AGBL4: variants seen among roughly 807,000 people sequenced by gnomAD.
AGBL4 encodes the protein cytosolic carboxypeptidase 6.
AGBL4 carries 58 observed loss-of-function variants against 66.4 expected under a neutral mutation model. The observed-to-expected ratio is 0.87, with a 90% CI of 0.71 to 1.09. The LOEUF (loss-of-function observed/expected upper bound fraction) is 1.09. Ranked by LOEUF, AGBL4 falls within the 50% of genes least tolerant of loss-of-function variation. The probability of loss-of-function intolerance (pLI) is 0.00; values close to 1 mark genes in which losing one functional copy is unlikely to be tolerated. For missense variants in AGBL4, 579 were observed against 631.0 expected (o/e 0.92, Z 0.88); for synonymous variants, 234 against 222.9 (o/e 1.05, Z -0.44).
At chr1:49,791,495 A>G (rs906384359) in intron 2 of AGBL4, among the ~76,000 whole-genome samples, 1 of 151,972 alleles carries the variant, frequency 6.6e-6, no homozygotes, top group Non-Finnish European at 1.5e-5. Context: ...TATCTCTTCA[A>G]TGGTTTCCCA....
intron 6 of AGBL4, among the ~76,000 whole-genome samples, chr1:48,670,389 C>T (rs1364521683): frequency 6.6e-6 from 1 of 152,244 alleles, no homozygotes; most frequent in African/African-American, 2.4e-5. Context: ...TAGCAGCCTC[C>T]TCTCACTACA....
chr1:49,388,030 A>G (rs1273007044), intron 3 of AGBL4, among the ~76,000 whole-genome samples: 1 of 152,112 alleles, frequency 6.6e-6, no homozygotes, highest in Non-Finnish European at 1.5e-5. Context: ...ACTGAACAAA[A>G]TAATACACAA....
intron 5 of AGBL4, among the ~76,000 whole-genome samples, chr1:48,995,694 G>A (rs866635303): frequency 6.6e-6 from 1 of 152,200 alleles, no homozygotes; most frequent in Non-Finnish European, 1.5e-5. Flanking sequence ...AGTGCCAAGT[G>A]TTGGAGAGAG....
At chr1:48,653,680 G>A (rs112299796) in intron 7 of AGBL4, among the ~76,000 whole-genome samples, 30 of 152,300 alleles carry the variant, frequency 2.0e-4, no homozygotes, top group Admixed American at 7.8e-4. Context: ...AAGCCCATGG[G>A]CAGGAGGGAG....
chr1:49,685,861 C>T (rs1045817126), intron 3 of AGBL4, among the ~76,000 whole-genome samples: 9 of 152,104 alleles, frequency 5.9e-5, no homozygotes, highest in African/African-American at 1.7e-4. Context: ...GTTTACACTG[C>T]TGATGGTGTA....
chr1:49,612,571 C>A (rs1645175019), intron 3 of AGBL4, among the ~76,000 whole-genome samples: 1 of 152,086 alleles, frequency 6.6e-6, no homozygotes, highest in South Asian at 2.1e-4. Context: ...GGGCAAAGGA[C>A]ATGAACAGAT....
intron 8 of AGBL4, 21 bp from the exon 9 acceptor site, chr1:48,634,625 GAGTC>G: frequency 6.5e-7 from 1 of 1,543,954 alleles, no homozygotes; most frequent in Non-Finnish European, 8.8e-7. Flanking sequence ...CCCAAAGTAA[GAGTC>G]AATATAGACA....
At chr1:48,938,779 A>C (rs1655695424) in intron 5 of AGBL4, among the ~76,000 whole-genome samples, 1 of 152,034 alleles carries the variant, frequency 6.6e-6, no homozygotes, top group Non-Finnish European at 1.5e-5. Context: ...ATTTCAAAGA[A>C]CCCTTAATTA....
At chr1:49,798,044 C>T (rs1644773432) in intron 2 of AGBL4, among the ~76,000 whole-genome samples, 1 of 152,042 alleles carries the variant, frequency 6.6e-6, no homozygotes, top group South Asian at 2.1e-4. Context: ...GCCACCTTGC[C>T]CGGCCAATTA....
chr1:48,664,848 C>T (rs1316270066), intron 6 of AGBL4, among the ~76,000 whole-genome samples: 3 of 152,126 alleles, frequency 2.0e-5, no homozygotes, highest in Non-Finnish European at 4.4e-5. Context: ...TGATACAGAG[C>T]ACAACAATTA....
intron 3 of AGBL4, among the ~76,000 whole-genome samples, chr1:49,542,358 G>A (rs181043163): frequency 3.1e-4 from 47 of 152,214 alleles, no homozygotes; most frequent in Admixed American, 9.2e-4. Context: ...AACACTCACC[G>A]CAAAGGTCTG....
rs577940202 is a variant in AGBL4 at position 49,608,226 on chromosome 1, A to T, written c.282+89087T>A. 8.0e-4 allele frequency among the ~76,000 whole-genome samples: 122 copies of T among 152,290 alleles called. 1 individual carries two copies. The highest frequency in any genetic ancestry group is 2.8e-3 in the African/African-American group (116 of 41,588). ...AAGGTCTGGAGCTTGGGAGGGCATT[A>T]TCTGTTCTAATGCACTGCTCATATT... On this transcript the variant is annotated intron_variant, in intron 3 of 13. Coordinates refer to ENST00000371839, the MANE Select transcript of AGBL4 (RefSeq NM_032785.4).
chr1:49,221,480 T>C (rs567892363), intron 4 of AGBL4, among the ~76,000 whole-genome samples: 1 of 152,248 alleles, frequency 6.6e-6, no homozygotes, highest in African/African-American at 2.4e-5. Context: ...AAAGGAAAGA[T>C]TAAATTTCTT....
intron 2 of AGBL4, among the ~76,000 whole-genome samples, chr1:49,715,745 C>T (rs1172717845): frequency 6.6e-6 from 1 of 152,126 alleles, no homozygotes; most frequent in African/African-American, 2.4e-5. Flanking sequence ...TTGTTAGCCA[C>T]ACAAATGTCT....
intron 4 of AGBL4, among the ~76,000 whole-genome samples, chr1:49,103,590 T>C (rs1313661891): frequency 6.6e-6 from 1 of 152,152 alleles, no homozygotes; most frequent in Non-Finnish European, 1.5e-5. Flanking sequence ...TTCTGACTTC[T>C]CTATTCCCTG....
At chr1:49,553,124 T>C (rs527417608) in intron 3 of AGBL4, among the ~76,000 whole-genome samples, 82 of 152,346 alleles carry the variant, frequency 5.4e-4, no homozygotes, top group African/African-American at 1.9e-3. Flanking sequence ...ATGAATGAAT[T>C]GATCTACATT....
At chr1:48,920,909 G>GA (rs953518463) in intron 5 of AGBL4, among the ~76,000 whole-genome samples, 19 of 147,956 alleles carry the variant, frequency 1.3e-4, no homozygotes, top group African/African-American at 3.0e-4. Context: ...TTGAAAAAAG[G>GA]AAAAAAAAAA....
At chr1:49,386,267 G>GTA (rs1644734892) in intron 3 of AGBL4, among the ~76,000 whole-genome samples, 1 of 22,900 alleles carries the variant, frequency 4.4e-5, no homozygotes, top group Admixed American at 4.9e-4. Flanking sequence ...ATGGATGGAT[G>GTA]TGTGTGTGTG....
At chr1:49,227,428 C>T (rs1649998075) in intron 4 of AGBL4, among the ~76,000 whole-genome samples, 1 of 151,282 alleles carries the variant, frequency 6.6e-6, no homozygotes, top group South Asian at 2.1e-4. Flanking sequence ...TAACTCATCC[C>T]TGATTCATCA....
Sources: allele counts gnomAD v4.1 joint callset (sites outside exome capture counted in the v4.1 genomes callset), GRCh38; gene constraint gnomAD v4.1.1; transcripts MANE v1.5; gene names NCBI Gene and HGNC (gene_info 2026-07-23, HGNC 2026-07-21).